Variants in TMCC1 observed in about 807,000 individuals in gnomAD.
TMCC1 encodes transmembrane and coiled-coil domain family 1.
In TMCC1, 15 loss-of-function variants were observed where a neutral mutation model predicts 52.4. The ratio of observed to expected loss-of-function variants is 0.29; its 90% CI spans 0.19 to 0.44. TMCC1 has a LOEUF of 0.44. Ranked by LOEUF, TMCC1 falls within the 20% of genes least tolerant of loss-of-function variation. The pLI is 1.00. For synonymous variants in TMCC1, 279 were observed against 301.9 expected, an observed-to-expected ratio of 0.92 and a Z score of 0.79; for missense variants, 503 against 806.0, an observed-to-expected ratio of 0.62 and a Z score of 4.55.
At chr3:129,673,987 T>C (rs939138772) in intron 4 of TMCC1, among the ~76,000 whole-genome samples, 2 of 152,224 alleles carry the variant, frequency 1.3e-5, no homozygotes, top group African/African-American at 2.4e-5. Context: ...TGTTTAGATA[T>C]GCAAACACTA....
At chr3:129,805,091 C>T (rs937840017) in intron 4 of TMCC1, among the ~76,000 whole-genome samples, 38 of 152,108 alleles carry the variant, frequency 2.5e-4, no homozygotes, top group South Asian at 2.1e-4. Context: ...ATACCTTAAG[C>T]CAGGTTTCCT....
intron 4 of TMCC1, among the ~76,000 whole-genome samples, chr3:129,728,787 C>T (rs1462015693): frequency 2.0e-5 from 3 of 152,160 alleles, no homozygotes; most frequent in East Asian, 1.9e-4. Context: ...TCACTATAGT[C>T]CTATCTTTCT....
rs1329538415 is a variant in TMCC1, at chr3:129,723,323, T to C, written c.577-52059A>G. ...ATTTCCAAGTCCTTGGGAAAAATAC[T>C]TTGAAAATAAGTAGCTGAGCACTAA... is the stretch of plus-strand genomic sequence containing the variant. On this transcript the variant is annotated intron_variant, in intron 4 of 6. Transcript: ENST00000393238. 5.9e-5 allele frequency among the ~76,000 whole-genome samples: 9 copies of C among 152,034 alleles called. 2 individuals carry two copies. The highest frequency in any genetic ancestry group is 5.9e-4 in the Admixed American group (9 of 15,282).
At chr3:129,813,889 T>C (rs1361193455) in intron 4 of TMCC1, among the ~76,000 whole-genome samples, 5 of 152,138 alleles carry the variant, frequency 3.3e-5, no homozygotes. Context: ...TTAAAGGAAA[T>C]TTAACAATTT....
intron 5 of TMCC1, among the ~76,000 whole-genome samples, chr3:129,662,309 A>G (rs984353939): frequency 6.6e-6 from 1 of 152,194 alleles, no homozygotes; most frequent in Non-Finnish European, 1.5e-5. Flanking sequence ...CAGTGTACTT[A>G]CACAAATCTA....
At chr3:129,652,142 A>C (rs2086369812) in intron 6 of TMCC1, among the ~76,000 whole-genome samples, 1 of 152,242 alleles carries the variant, frequency 6.6e-6, no homozygotes, top group Non-Finnish European at 1.5e-5. Flanking sequence ...TTCAACATAA[A>C]AAATTTCAAA....
intron 1 of TMCC1, among the ~76,000 whole-genome samples, chr3:129,882,293 T>A (rs2061494165): frequency 1.3e-5 from 2 of 149,598 alleles, no homozygotes; most frequent in African/African-American, 2.5e-5. Context: ...GAAATGCAAA[T>A]CAAAACTACA....
At chr3:129,877,624 CTT>C (rs760525326) in intron 2 of TMCC1, among the ~76,000 whole-genome samples, 72 of 126,886 alleles carry the variant, frequency 5.7e-4, no homozygotes, top group African/African-American at 1.4e-3. Flanking sequence ...ATCCCTAAGT[CTT>C]TTTTTTTTTT....
intron 5 of TMCC1, among the ~76,000 whole-genome samples, chr3:129,663,780 A>G (rs1331673238): frequency 2.0e-5 from 3 of 152,218 alleles, no homozygotes; most frequent in African/African-American, 7.2e-5. Flanking sequence ...GGCACAACCC[A>G]GATCTTTGTA....
At chr3:129,669,002 C>G (rs949634066) in intron 5 of TMCC1, among the ~76,000 whole-genome samples, 1 of 152,148 alleles carries the variant, frequency 6.6e-6, no homozygotes, top group African/African-American at 2.4e-5. Context: ...TTTCTCCCTC[C>G]CACACTCACT....
intron 4 of TMCC1, among the ~76,000 whole-genome samples, chr3:129,751,506 T>G (rs1288861115): frequency 1.3e-5 from 2 of 151,642 alleles, no homozygotes; most frequent in African/African-American, 2.4e-5. Context: ...CTCCAGCCTT[T>G]CTGACAGAGC....
intron 5 of TMCC1, among the ~76,000 whole-genome samples, chr3:129,665,355 A>C (rs1378448628): frequency 6.6e-6 from 1 of 152,214 alleles, no homozygotes; most frequent in Non-Finnish European, 1.5e-5. Flanking sequence ...GTCTTGGGCA[A>C]CTATCTTCAC....
At chr3:129,788,659 G>A (rs1226969094) in intron 4 of TMCC1, among the ~76,000 whole-genome samples, 8 of 151,498 alleles carry the variant, frequency 5.3e-5, no homozygotes, top group African/African-American at 1.9e-4. Flanking sequence ...TAGTAGAGAC[G>A]GGGTTTCACC....
At chr3:129,742,799 C>A (rs2051576932) in intron 4 of TMCC1, among the ~76,000 whole-genome samples, 1 of 152,138 alleles carries the variant, frequency 6.6e-6, no homozygotes, top group Non-Finnish European at 1.5e-5. Flanking sequence ...TGTGACATAT[C>A]CACATAATAG....
chr3:129,763,410 G>A (rs2053799578), intron 4 of TMCC1, among the ~76,000 whole-genome samples: 1 of 148,960 alleles, frequency 6.7e-6, no homozygotes, highest in Admixed American at 6.7e-5. Context: ...GCCAGGTGTG[G>A]TGGACTGCAC....
chr3:129,890,714 A>G (rs1278447907), intron 1 of TMCC1, among the ~76,000 whole-genome samples: 1 of 152,220 alleles, frequency 6.6e-6, no homozygotes, highest in Non-Finnish European at 1.5e-5. Context: ...TCCCTCAGTC[A>G]AGCTCTGTGG....
intron 4 of TMCC1, among the ~76,000 whole-genome samples, chr3:129,678,825 G>T (rs2088705621): frequency 6.6e-6 from 1 of 152,172 alleles, no homozygotes; most frequent in Admixed American, 6.5e-5. Context: ...TACAGAGTAT[G>T]TGTTATTAAC....
chr3:129,777,342 T>A (rs2055123108), intron 4 of TMCC1, among the ~76,000 whole-genome samples: 1 of 152,160 alleles, frequency 6.6e-6, no homozygotes, highest in Admixed American at 6.6e-5. Flanking sequence ...AGAGTAATCA[T>A]CCTAGTGGAA....
chr3:129,726,079 A>T (rs1346409456), intron 4 of TMCC1, among the ~76,000 whole-genome samples: 2 of 152,244 alleles, frequency 1.3e-5, no homozygotes, highest in Admixed American at 1.3e-4. Flanking sequence ...GTACAGGTAC[A>T]GACTTTGGGC....
Sources: allele counts gnomAD v4.1 joint callset (sites outside exome capture counted in the v4.1 genomes callset), GRCh38; gene constraint gnomAD v4.1.1; transcripts MANE v1.5; gene names NCBI Gene and HGNC (gene_info 2026-07-23, HGNC 2026-07-21).